The following SRGAP3 variants were observed in gnomAD, a reference collection of about 807,000 sequenced individuals.
The protein encoded by SRGAP3 is SLIT-ROBO Rho GTPase activating protein 3, also known as SLIT-ROBO Rho GTPase-activating protein 3.
Under a neutral mutation model 121.1 loss-of-function variants are expected in SRGAP3, and 39 were observed. The ratio of observed to expected loss-of-function variants is 0.32; its 90% confidence interval spans 0.25 to 0.42. SRGAP3 has a LOEUF of 0.42. Ranked by LOEUF, SRGAP3 falls within the 10% of genes least tolerant of loss-of-function variation. The pLI, the probability that SRGAP3 is intolerant of heterozygous loss-of-function variation, is 1.00. For synonymous variants in SRGAP3, 601 were observed against 570.0 expected (o/e 1.05, Z -0.77); for missense variants, 1,213 against 1,470.6 (o/e 0.82, Z 2.86).
chr3:9,335,909 G>T (rs1955685522), intron 1 of SRGAP3, among the ~76,000 whole-genome samples: 1 of 151,934 alleles, frequency 6.6e-6, no homozygotes, highest in Non-Finnish European at 1.5e-5. Flanking sequence ...CCAGCCTTTA[G>T]AATTTTTAAA....
At chr3:9,207,762 C>CT (rs1307774653) in intron 1 of SRGAP3, among the ~76,000 whole-genome samples, 1 of 152,168 alleles carries the variant, frequency 6.6e-6, no homozygotes, top group East Asian at 1.9e-4. Flanking sequence ...AGGCAGCTCT[C>CT]TTCAGCAGAA....
intron 8 of SRGAP3, among the ~76,000 whole-genome samples, chr3:9,053,904 T>C (rs1488819746): frequency 6.6e-6 from 1 of 152,204 alleles, no homozygotes; most frequent in Non-Finnish European, 1.5e-5. Context: ...GATTCTTTGC[T>C]CTGGAGGCTG....
chr3:8,994,022 T>TATCATTAAAAA, intron 19 of SRGAP3: 3 of 403,030 alleles, frequency 7.4e-6, no homozygotes, highest in Admixed American at 3.7e-5. Context: ...GCCTAGGAGG[T>TATCATTAAAAA]GGAGGCACAT....
At chr3:9,278,299 G>T (rs1375239544) in intron 3 of SRGAP3, among the ~76,000 whole-genome samples, 1 of 152,164 alleles carries the variant, frequency 6.6e-6, no homozygotes, top group Non-Finnish European at 1.5e-5. Flanking sequence ...GACTCCCTGG[G>T]GGAAAAGCAA....
At chr3:9,061,683 A>G (rs1468062237) in intron 5 of SRGAP3, among the ~76,000 whole-genome samples, 1 of 152,134 alleles carries the variant, frequency 6.6e-6, no homozygotes, top group East Asian at 1.9e-4. Context: ...AGCGCCCAGA[A>G]CTGTCCCTGC....
At chr3:9,208,703 CAGGA>C (rs1399636317) in intron 1 of SRGAP3, among the ~76,000 whole-genome samples, 2 of 152,138 alleles carry the variant, frequency 1.3e-5, no homozygotes, top group Non-Finnish European at 2.9e-5. Context: ...TCCAATGCTT[CAGGA>C]AGGGAGGATG....
intron 3 of SRGAP3, among the ~76,000 whole-genome samples, chr3:9,259,765 T>A (rs1307295969): frequency 1.3e-5 from 2 of 151,766 alleles, no homozygotes; most frequent in East Asian, 3.8e-4. Flanking sequence ...CATTGAGCAC[T>A]TAAAATGTGG....
At chr3:9,123,405 T>TATATAC (rs1949095774) in intron 2 of SRGAP3, among the ~76,000 whole-genome samples, 1 of 1,752 alleles carries the variant, frequency 5.7e-4, no homozygotes, top group African/African-American at 9.3e-4. Flanking sequence ...ACAATACACA[T>TATATAC]ACATACACAT....
chr3:9,236,648 T>G (rs1267540608), intron 1 of SRGAP3, among the ~76,000 whole-genome samples: 1 of 152,114 alleles, frequency 6.6e-6, no homozygotes, highest in African/African-American at 2.4e-5. Context: ...TCTGCCATGA[T>G]TGTAAGTATC....
chr3:9,084,382 T>C (rs962850438), intron 3 of SRGAP3, among the ~76,000 whole-genome samples: 1 of 152,122 alleles, frequency 6.6e-6, no homozygotes, highest in Non-Finnish European at 1.5e-5. Context: ...AAGACTTCTG[T>C]GGTCAAATGG....
chr3:9,174,681 C>A (rs1358534921), intron 1 of SRGAP3, among the ~76,000 whole-genome samples: 1 of 152,208 alleles, frequency 6.6e-6, no homozygotes, highest in East Asian at 1.9e-4. Context: ...CTGACCTTGC[C>A]CGTTCTCACC....
chr3:9,073,457 T>G (rs1407180300), intron 4 of SRGAP3, among the ~76,000 whole-genome samples: 1 of 152,236 alleles, frequency 6.6e-6, no homozygotes, highest in Non-Finnish European at 1.5e-5. Context: ...AAGTAGTTTC[T>G]ATATAGTCAT....
At position 8,984,940 on chromosome 3, in the gene SRGAP3, GA is replaced by G. The variant is rs1375437257; in HGVS notation, c.*578del. On this transcript the variant is annotated 3_prime_UTR_variant, in exon 22 of 22. Coordinates refer to ENST00000383836, the MANE Select transcript of SRGAP3 (RefSeq NM_014850.4). ...TACTATGGGCCTTTAAGTTCTCCCA[GA>G]AAAGTCCCTGCAAATCCCACCAAAT... 3 of 229,064 alleles carry G rather than the reference GA, an allele frequency of 1.3e-5. No individual in the cohort carries two copies. The highest frequency in any genetic ancestry group is 5.7e-5 in the Admixed American group (1 of 17,596). 14.2% of individuals were successfully genotyped at this position (229,064 alleles called of 1,614,324 possible). A position where few individuals can be genotyped will look rare whatever the true frequency, so the allele number is the denominator to read the frequency against.
intron 2 of SRGAP3, among the ~76,000 whole-genome samples, chr3:9,118,691 GCCCC>G (rs59590687): frequency 1.3e-5 from 2 of 149,004 alleles, no homozygotes; most frequent in Admixed American, 1.3e-4. Flanking sequence ...AGATTGCCAG[GCCCC>G]CCCCCCAAGA....
chr3:9,128,724 A>G (rs1949332942), intron 1 of SRGAP3, among the ~76,000 whole-genome samples: 1 of 152,244 alleles, frequency 6.6e-6, no homozygotes, highest in Non-Finnish European at 1.5e-5. Context: ...GATTTTTTGA[A>G]TGTGAGATAT....
At chr3:8,997,315 G>C (rs1278674261) in intron 18 of SRGAP3, among the ~76,000 whole-genome samples, 1 of 152,086 alleles carries the variant, frequency 6.6e-6, no homozygotes, top group Non-Finnish European at 1.5e-5. Context: ...TCATCCATTA[G>C]CGACTCCTTC....
At chr3:9,199,181 T>C (rs1416222794) in intron 1 of SRGAP3, among the ~76,000 whole-genome samples, 1 of 152,200 alleles carries the variant, frequency 6.6e-6, no homozygotes, top group Non-Finnish European at 1.5e-5. Flanking sequence ...TCAGAGTTAC[T>C]TAATTCTGCA....
intron 3 of SRGAP3, among the ~76,000 whole-genome samples, chr3:9,301,119 C>T (rs985998851): frequency 2.0e-5 from 3 of 152,260 alleles, no homozygotes; most frequent in South Asian, 4.2e-4. Flanking sequence ...GGTGAAGTTT[C>T]GTTTTTTAAC....
chr3:9,346,390 T>C (rs1378421687), intron 1 of SRGAP3, among the ~76,000 whole-genome samples: 1 of 152,010 alleles, frequency 6.6e-6, no homozygotes, highest in Non-Finnish European at 1.5e-5. Flanking sequence ...CTATAGGCAC[T>C]TGCCAGCATG....
Sources: gnomAD v4.1 joint callset for allele counts (sites outside exome capture counted in the v4.1 genomes callset) on GRCh38, gnomAD v4.1.1 for gene constraint, MANE v1.5 for transcripts, NCBI Gene and HGNC (gene_info 2026-07-23, HGNC 2026-07-21) for gene names.